Variants in PGM1 observed in about 807,000 individuals in gnomAD.
PGM1 encodes phosphoglucomutase 1.
PGM1 carries 52 observed loss-of-function variants against 55.6 expected under a neutral mutation model. That is an observed-to-expected ratio of 0.94 (90% confidence interval 0.75 to 1.18). PGM1 has a LOEUF of 1.18. Ranked by LOEUF, PGM1 falls within the 50% of genes most tolerant of loss-of-function variation. The probability of loss-of-function intolerance (pLI) is 0.00; values close to 1 mark genes in which losing one functional copy is unlikely to be tolerated. For missense variants in PGM1, 724 were observed against 729.3 expected (o/e 0.99, Z 0.08); for synonymous variants, 287 against 271.7 (o/e 1.06, Z -0.55).
At chr1:63,628,806 C>T (rs1340543632) in intron 1 of PGM1, among the ~76,000 whole-genome samples, 2 of 152,096 alleles carry the variant, frequency 1.3e-5, no homozygotes, top group Non-Finnish European at 2.9e-5. Context: ...GGAATAACTC[C>T]AGCATTCTTG....
At chr1:63,642,736 G>A (rs2269244) in intron 7 of PGM1, among the ~76,000 whole-genome samples, 79,788 of 151,958 alleles carry the variant, frequency 0.53, 21,519 homozygotes, top group African/African-American at 0.63. Context: ...TCCCTGTCCT[G>A]TCTTTAAAGG....
intron 7 of PGM1, among the ~76,000 whole-genome samples, chr1:63,639,016 C>T (rs532606611): frequency 5.3e-5 from 8 of 152,118 alleles, no homozygotes; most frequent in Non-Finnish European, 1.0e-4. Flanking sequence ...AGGATCATAT[C>T]GACTCAGACA....
At position 63,648,603 on chromosome 1, in the gene PGM1, G is replaced by T; in HGVS notation, c.1231G>T (p.Asp411Tyr). ...ILATRKQSVE[D>Y]ILKDHWQKYG... Reference sequence around the variant, plus strand: ...AGCCACCCGCAAGCAGAGTGTGGAGGACATTCTCAAAGATCATTGGCAAAA... The same window carrying T: ...AGCCACCCGCAAGCAGAGTGTGGAGTACATTCTCAAAGATCATTGGCAAAA... The change falls in exon 8 of 11, where the codon GAC becomes TAC. Residue 411 changes from aspartate (D) to tyrosine (Y), a missense_variant. Around this residue, in one of 3 missense-constraint regions of PGM1, gnomAD observed 316 missense variants for 313.1 expected, o/e 1.01. Transcript: ENST00000371084. 3 of 1,614,060 alleles carry T rather than the reference G, an allele frequency of 1.9e-6. No homozygotes were observed. The highest frequency in any genetic ancestry group is 2.5e-6 in the Non-Finnish European group (3 of 1,179,964).
At chr1:63,631,294 C>G (rs374105488) in intron 3 of PGM1, among the ~76,000 whole-genome samples, 52 of 152,310 alleles carry the variant, frequency 3.4e-4, no homozygotes, top group African/African-American at 1.1e-3. Flanking sequence ...ACACACCTCT[C>G]AAGATGACGA....
chr1:63,642,882 A>C (rs1649553452), intron 7 of PGM1, among the ~76,000 whole-genome samples: 1 of 152,198 alleles, frequency 6.6e-6, no homozygotes, highest in Non-Finnish European at 1.5e-5. Flanking sequence ...TCATTCCTCA[A>C]ATATTTATTG....
intron 8 of PGM1, among the ~76,000 whole-genome samples, chr1:63,649,408 C>T (rs541608746): frequency 2.0e-5 from 3 of 152,200 alleles, no homozygotes; most frequent in Admixed American, 1.3e-4. Context: ...ATTTGCCTTT[C>T]CCCCAGTTAG....
intron 4 of PGM1, among the ~76,000 whole-genome samples, chr1:63,632,811 G>A (rs776445680): frequency 6.6e-5 from 10 of 152,130 alleles, no homozygotes; most frequent in Non-Finnish European, 1.5e-4. Context: ...AGGAGTTCAA[G>A]ACCAGCCTGA....
chr1:63,634,605 G>A (rs755884024), intron 4 of PGM1, among the ~76,000 whole-genome samples: 17 of 152,114 alleles, frequency 1.1e-4, no homozygotes, highest in Non-Finnish European at 5.9e-5. Context: ...TTCATGAACT[G>A]GCCCCACCTT....
In PGM1 at chr1:63,659,982, G is replaced by A. The variant is rs919349241; in HGVS notation, c.*307G>A. 1.7e-5 allele frequency: 8 copies of A among 481,942 alleles called. No individual in the cohort carries two copies. Among genetic ancestry groups the A allele is most frequent in the Non-Finnish European group, 3.1e-5 (8 of 261,918 alleles). The allele number at this position is 481,942 out of a possible 1,614,324, so 29.9% of individuals were successfully genotyped here. On this transcript the variant is annotated 3_prime_UTR_variant, in exon 11 of 11. Coordinates refer to ENST00000371084, the MANE Select transcript of PGM1 (RefSeq NM_002633.3). ...GTTTACACTACAATGTAAGCTATAG[G>A]TGGAGCATCAGCAGTGAGTGAGGCC...
At chr1:63,610,581 G>T (rs1244056938) in intron 1 of PGM1, among the ~76,000 whole-genome samples, 1 of 152,158 alleles carries the variant, frequency 6.6e-6, no homozygotes, top group Non-Finnish European at 1.5e-5. Flanking sequence ...AAATTAATAT[G>T]TTGGGGGTTT....
intron 1 of PGM1, among the ~76,000 whole-genome samples, chr1:63,621,737 A>G (rs944325945): frequency 2.3e-4 from 35 of 152,246 alleles, no homozygotes; most frequent in African/African-American, 8.4e-4. Flanking sequence ...CTGGTTTTCA[A>G]CATAATAGAT....
chr1:63,626,608 G>GA (rs944904038), intron 1 of PGM1, among the ~76,000 whole-genome samples: 3 of 91,340 alleles, frequency 3.3e-5, no homozygotes, highest in Non-Finnish European at 4.4e-5. Flanking sequence ...AGTCACATGA[G>GA]AAAAAAAAAG....
chr1:63,597,707 G>T (rs1648120512), intron 1 of PGM1, among the ~76,000 whole-genome samples: 1 of 152,164 alleles, frequency 6.6e-6, no homozygotes, highest in African/African-American at 2.4e-5. Flanking sequence ...ACTATTCCTG[G>T]TCTCTAAAAA....
At chr1:63,639,230 A>G (rs987698023) in intron 7 of PGM1, among the ~76,000 whole-genome samples, 4 of 152,180 alleles carry the variant, frequency 2.6e-5, no homozygotes, top group Non-Finnish European at 4.4e-5. Context: ...TCTCTTTTAT[A>G]GGCCCAAGTT....
intron 5 of PGM1, 114 bp downstream of exon 5, chr1:63,635,133 C>T (rs1001564278): frequency 8.1e-6 from 7 of 866,666 alleles, no homozygotes; most frequent in Non-Finnish European, 1.2e-5. Flanking sequence ...AAGGATCCCT[C>T]ATTCTGACCC....
chr1:63,637,951 G>A (rs747983140), intron 6 of PGM1, among the ~76,000 whole-genome samples: 13 of 152,262 alleles, frequency 8.5e-5, no homozygotes, highest in Middle Eastern at 3.4e-3. Flanking sequence ...AGCAAATCTC[G>A]CTCAAACAGT....
chr1:63,653,478 C>T (rs60473433), intron 9 of PGM1, among the ~76,000 whole-genome samples: 6,935 of 152,162 alleles, frequency 0.046, 544 homozygotes, highest in African/African-American at 0.16. Flanking sequence ...GGATTGGTGA[C>T]GAACAGCAGG....
At chr1:63,620,587 A>G (rs943030346) in intron 1 of PGM1, among the ~76,000 whole-genome samples, 1 of 152,186 alleles carries the variant, frequency 6.6e-6, no homozygotes, top group African/African-American at 2.4e-5. Flanking sequence ...TCCATTAAAT[A>G]TTTTTTAAAG....
chr1:63,611,948 G>C (rs950963175), intron 1 of PGM1, among the ~76,000 whole-genome samples: 1 of 152,124 alleles, frequency 6.6e-6, no homozygotes, highest in East Asian at 1.9e-4. Context: ...TATTTGCCCA[G>C]TAACATATTA....
Sources: gnomAD v4.1 joint callset for allele counts (sites outside exome capture counted in the v4.1 genomes callset) on GRCh38, gnomAD v4.1.1 for gene constraint, gnomAD v4.1.1 regional missense constraint, MANE v1.5 for transcripts, NCBI Gene and HGNC (gene_info 2026-07-23, HGNC 2026-07-21) for gene names.